Variants in FGGY observed in about 807,000 individuals in gnomAD.
FGGY encodes FGGY carbohydrate kinase domain containing.
A neutral mutation model predicts 71.3 loss-of-function variants in FGGY; 72 were observed. That is an observed-to-expected ratio of 1.01 (90% CI 0.84 to 1.23). The LOEUF is 1.23. Ranked by LOEUF, FGGY falls within the 50% of genes most tolerant of loss-of-function variation. FGGY has a pLI of 0.00. For synonymous variants in FGGY, 251 were observed against 250.3 expected (o/e 1.00, Z -0.02); for missense variants, 668 against 682.3 (o/e 0.98, Z 0.23).
At chr1:59,580,212 A>C (rs1246405071) in intron 8 of FGGY, among the ~76,000 whole-genome samples, 1 of 152,154 alleles carries the variant, frequency 6.6e-6, no homozygotes, top group East Asian at 1.9e-4. Context: ...GCTCCACTGG[A>C]CTGTAAGTTC....
chr1:59,661,040 G>T (rs1201641458), intron 12 of FGGY, among the ~76,000 whole-genome samples: 1 of 152,154 alleles, frequency 6.6e-6, no homozygotes, highest in Non-Finnish European at 1.5e-5. Context: ...ATCCAGTGAG[G>T]CTTAGCCACT....
At chr1:59,726,547 A>C (rs932041157) in intron 14 of FGGY, among the ~76,000 whole-genome samples, 16 of 152,238 alleles carry the variant, frequency 1.1e-4, no homozygotes, top group African/African-American at 3.6e-4. Context: ...AGTAAAAACC[A>C]TTTGGGCCTG....
At chr1:59,537,470 C>T (rs1294251079) in intron 7 of FGGY, among the ~76,000 whole-genome samples, 1 of 152,172 alleles carries the variant, frequency 6.6e-6, no homozygotes, top group African/African-American at 2.4e-5. Context: ...CTACCAATGA[C>T]TTTCTTCACA....
chr1:59,509,757 C>A (rs1478696333), intron 6 of FGGY, among the ~76,000 whole-genome samples: 2 of 152,208 alleles, frequency 1.3e-5, no homozygotes, highest in African/African-American at 4.8e-5. Context: ...CAGTGGTCTG[C>A]AGCCTCATGT....
At chr1:59,491,711 C>G (rs1290830865) in intron 6 of FGGY, among the ~76,000 whole-genome samples, 2 of 147,184 alleles carry the variant, frequency 1.4e-5, no homozygotes, top group Admixed American at 6.8e-5. Context: ...TTTTTCTTGC[C>G]TAGTTGCTCT....
chr1:59,554,201 T>C lies in FGGY; in HGVS notation c.877T>C (p.Cys293Arg). 1 of 1,613,666 alleles carries C rather than the reference T, an allele frequency of 6.2e-7. No homozygotes were observed. The highest frequency in any genetic ancestry group is 8.5e-7 in the Non-Finnish European group (1 of 1,179,642). The change falls in exon 8 of 16, where the codon TGT (cysteine) becomes CGT (arginine). Residue 293 changes from cysteine (C) to arginine (R), a missense_variant. Coordinates refer to ENST00000303721, the MANE Select transcript of FGGY (RefSeq NM_018291.5). ...QPVTSRLAVI[C>R]GTSSCHMGIS... ...AGTGACGTCACGGCTGGCTGTCATCTGTGGAACGTCTTCTTGTCACATGGG... is the reference window on the plus strand; with the variant it reads ...AGTGACGTCACGGCTGGCTGTCATCCGTGGAACGTCTTCTTGTCACATGGG...
At chr1:59,297,631 G>A (rs1458752764) in intron 1 of FGGY, among the ~76,000 whole-genome samples, 1 of 151,966 alleles carries the variant, frequency 6.6e-6, no homozygotes, top group African/African-American at 2.4e-5. Context: ...GACCATCCAG[G>A]CTAACACGGT....
intron 6 of FGGY, among the ~76,000 whole-genome samples, chr1:59,464,537 GAC>G (rs1012057870): frequency 5.9e-5 from 9 of 152,014 alleles, no homozygotes; most frequent in Non-Finnish European, 1.2e-4. Flanking sequence ...AGGAGATAGA[GAC>G]ACACACACAA....
At chr1:59,715,614 A>G (rs1344610537) in intron 14 of FGGY, among the ~76,000 whole-genome samples, 2 of 152,224 alleles carry the variant, frequency 1.3e-5, no homozygotes, top group Non-Finnish European at 2.9e-5. Flanking sequence ...ATGAGATGTC[A>G]GATCTTGGAG....
intron 14 of FGGY, among the ~76,000 whole-genome samples, chr1:59,696,447 C>T (rs1317815946): frequency 6.6e-6 from 1 of 152,102 alleles, no homozygotes; most frequent in Non-Finnish European, 1.5e-5. Context: ...GAAGATAGGA[C>T]CTGAATTACT....
chr1:59,714,519 T>G (rs1480767136), intron 14 of FGGY, among the ~76,000 whole-genome samples: 5 of 152,184 alleles, frequency 3.3e-5, no homozygotes, highest in Non-Finnish European at 7.4e-5. Context: ...AGACATGTGG[T>G]GTCTTTGGGG....
At position 59,358,495 on chromosome 1, in the gene FGGY, A is replaced by AC. The variant is rs907511976; in HGVS notation, c.465+12104dup. On this transcript the variant is annotated intron_variant, in intron 4 of 15. Coordinates refer to ENST00000303721, the MANE Select transcript of FGGY (RefSeq NM_018291.5). ...TGTGAAAGCCATTACCCGCCCTGCCACCCCCCCGCCATGTTTTATTATCAA... is the reference window on the plus strand; with the variant it reads ...TGTGAAAGCCATTACCCGCCCTGCCACCCCCCCCGCCATGTTTTATTATCAA... Among the ~76,000 whole-genome samples the AC allele has an allele frequency of 5.5e-4, 83 of 151,256 alleles. 1 individual carries two copies. In the East Asian group the frequency reaches 0.014, roughly 25 times the overall value.
chr1:59,540,926 A>T (rs1210433519), intron 7 of FGGY, among the ~76,000 whole-genome samples: 1 of 152,180 alleles, frequency 6.6e-6, no homozygotes, highest in East Asian at 1.9e-4. Context: ...ATAAATGTTA[A>T]ATTCTACTCC....
rs139224401 is a variant in FGGY, at chr1:59,677,614, G to A, written c.1512+3481G>A. On this transcript the variant is annotated intron_variant, in intron 14 of 15. Coordinates refer to ENST00000303721, the MANE Select transcript of FGGY (RefSeq NM_018291.5). ...GGGGTAGAGTCCTATACCTTTCTTG[G>A]GTGATACCAATGGATCCACAGCTGT... is the stretch of plus-strand genomic sequence containing the variant. 9.9e-5 allele frequency among the ~76,000 whole-genome samples: 15 copies of A among 152,216 alleles called. No individual in the cohort carries two copies. In the East Asian group the frequency reaches 2.9e-3, roughly 29 times the overall value.
chr1:59,690,618 G>C (rs2097580482), intron 14 of FGGY, among the ~76,000 whole-genome samples: 1 of 152,114 alleles, frequency 6.6e-6, no homozygotes. Flanking sequence ...TCCATATAAG[G>C]GTCCAAGTCT....
Position 59,711,300 on chromosome 1 carries a change from G to T in FGGY, c.1512+37167G>T, listed in dbSNP as rs746251437. Among the ~76,000 whole-genome samples, 11 of 152,228 alleles carry T rather than the reference G, an allele frequency of 7.2e-5. No homozygotes were observed. In the South Asian group the frequency reaches 2.3e-3, roughly 32 times the overall value. On this transcript the variant is annotated intron_variant, in intron 14 of 15. Coordinates refer to ENST00000303721, the MANE Select transcript of FGGY (RefSeq NM_018291.5). ...AGACTGGGGCCTGTCAAGCAGTCGG[G>T]GGAAGGGGAGGGATAGCATTAGGAG... is the stretch of plus-strand genomic sequence containing the variant.
At chr1:59,688,398 T>C (rs1205160751) in intron 14 of FGGY, among the ~76,000 whole-genome samples, 1 of 152,390 alleles carries the variant, frequency 6.6e-6, no homozygotes, top group East Asian at 1.9e-4. Context: ...GGGACTTATA[T>C]CTGTTCCTCA....
chr1:59,542,307 A>G (rs1305570191), intron 7 of FGGY, among the ~76,000 whole-genome samples: 4 of 152,214 alleles, frequency 2.6e-5, no homozygotes, highest in Non-Finnish European at 5.9e-5. Flanking sequence ...TGCTGAGCAC[A>G]GTACCTGATG....
At chr1:59,574,439 CT>C (rs903767734) in intron 8 of FGGY, among the ~76,000 whole-genome samples, 10 of 151,284 alleles carry the variant, frequency 6.6e-5, no homozygotes, top group Admixed American at 2.6e-4. Flanking sequence ...TTTGTGGGTC[CT>C]TTTTTTTTCT....
Sources: allele counts gnomAD v4.1 joint callset (sites outside exome capture counted in the v4.1 genomes callset), GRCh38; gene constraint gnomAD v4.1.1; transcripts MANE v1.5; gene names NCBI Gene and HGNC (gene_info 2026-07-23, HGNC 2026-07-21).